The following TANC2 variants were observed in gnomAD, a reference collection of about 807,000 sequenced individuals.
TANC2 encodes the protein tetratricopeptide repeat, ankyrin repeat and coiled-coil containing 2, also known as protein TANC2.
In TANC2, 26 loss-of-function variants were observed where a neutral mutation model predicts 210.5. That is an observed-to-expected ratio of 0.12 (90% CI 0.09 to 0.17). The LOEUF (loss-of-function observed/expected upper bound fraction) is 0.17, where lower values mean the gene tolerates loss of function less well. Ranked by LOEUF, TANC2 falls within the 10% of genes least tolerant of loss-of-function variation. TANC2 has a pLI of 1.00. For synonymous variants in TANC2, 931 were observed against 967.1 expected (o/e 0.96, Z 0.69); for missense variants, 2,129 against 2,608.9 (o/e 0.82, Z 4.01).
chr17:63,389,865 G>T (rs925382829), intron 17 of TANC2: 4 of 339,458 alleles, frequency 1.2e-5, no homozygotes, highest in South Asian at 1.0e-4. Flanking sequence ...GGAAGGAGAA[G>T]TGAGGAAGCC....
intron 21 of TANC2, 58 bp from the exon 22 acceptor site, chr17:63,411,453 C>G: frequency 1.3e-6 from 2 of 1,515,992 alleles, no homozygotes; most frequent in Non-Finnish European, 1.8e-6. Flanking sequence ...AGCGTACTTC[C>G]CCTCCTGCTG....
intron 5 of TANC2, among the ~76,000 whole-genome samples, chr17:63,171,705 A>C (rs1207807446): frequency 6.6e-6 from 1 of 152,222 alleles, no homozygotes; most frequent in Non-Finnish European, 1.5e-5. Context: ...TTAATGTTTT[A>C]TTAAAACTGA....
chr17:63,272,595 AT>A (rs2043746220), intron 9 of TANC2, among the ~76,000 whole-genome samples: 1 of 151,932 alleles, frequency 6.6e-6, no homozygotes, highest in Admixed American at 6.6e-5. Context: ...TGAGCATGAA[AT>A]TTTTTTTATT....
At chr17:63,088,221 A>G (rs1428070696) in intron 3 of TANC2, 1 of 152,012 alleles carries the variant, frequency 6.6e-6, no homozygotes, top group Non-Finnish European at 1.5e-5. Flanking sequence ...AGGCCTTCCT[A>G]TGTGGTATAT....
At chr17:63,151,273 C>T in exon 5 of TANC2, 1 of 985,514 alleles carries the variant, frequency 1.0e-6, no homozygotes, top group Non-Finnish European at 1.2e-6. Context: ...TTCTTAGCCC[C>T]TCTGAGGAAG....
intron 8 of TANC2, among the ~76,000 whole-genome samples, chr17:63,239,253 A>G (rs779920077): frequency 6.6e-6 from 1 of 152,102 alleles, no homozygotes. Context: ...GTCAAGGGGT[A>G]TTTTTACTAC....
At chr17:63,176,113 TCAC>T (rs1461943019) in intron 5 of TANC2, among the ~76,000 whole-genome samples, 6 of 152,182 alleles carry the variant, frequency 3.9e-5, no homozygotes, top group African/African-American at 1.4e-4. Flanking sequence ...GAGTATAAAG[TCAC>T]CAGTCACTTT....
chr17:63,069,721 T>C (rs548868380), intron 2 of TANC2, among the ~76,000 whole-genome samples: 2 of 152,346 alleles, frequency 1.3e-5, no homozygotes, highest in South Asian at 4.1e-4. Context: ...ATTTTTGTAT[T>C]TCATTCACAG....
intron 21 of TANC2, among the ~76,000 whole-genome samples, 190 bp downstream of exon 21, chr17:63,406,467 A>G (rs1240248014): frequency 6.6e-6 from 1 of 152,126 alleles, no homozygotes; most frequent in Non-Finnish European, 1.5e-5. Flanking sequence ...CTATTTCCTT[A>G]TGACTTGAGG....
chr17:63,347,784 C>T (rs541146508), intron 12 of TANC2, among the ~76,000 whole-genome samples: 19 of 152,144 alleles, frequency 1.2e-4, no homozygotes, highest in African/African-American at 4.6e-4. Flanking sequence ...TGTTTTGTTT[C>T]GTTTTGTTGG....
At chr17:63,256,517 G>C (rs887688589) in intron 8 of TANC2, among the ~76,000 whole-genome samples, 10 of 151,994 alleles carry the variant, frequency 6.6e-5, no homozygotes, top group Non-Finnish European at 1.5e-4. Flanking sequence ...CCTAACATAT[G>C]GTCTGCCCTT....
At chr17:63,145,062 T>C (rs1283715703) in intron 4 of TANC2, among the ~76,000 whole-genome samples, 1 of 152,110 alleles carries the variant, frequency 6.6e-6, no homozygotes, top group Non-Finnish European at 1.5e-5. Context: ...TTTTTATTTA[T>C]TGTTCTTGAT....
rs1229721051 is a variant in TANC2 at position 62,966,579 on chromosome 17, G to A, written c.-194G>A. Among the ~76,000 whole-genome samples, 1 of 151,158 alleles carries A rather than the reference G, an allele frequency of 6.6e-6. No homozygotes were observed. Among genetic ancestry groups the A allele is most frequent in the African/African-American group, 2.4e-5 (1 of 41,306 alleles). On this transcript the variant is annotated 5_prime_UTR_variant, in exon 1 of 28. Transcript: ENST00000689528. The surrounding 1 kb of genome is among the most constrained non-coding windows in gnomAD (Gnocchi z 5.1). ...GCACCGCCGCGGGCTGCGCTCGCCG[G>A]CTGCGAGGCCCCGCCGCGCCGTTCC...
intron 3 of TANC2, among the ~76,000 whole-genome samples, chr17:63,085,355 G>A (rs62076630): frequency 6.6e-6 from 1 of 151,996 alleles, no homozygotes; most frequent in East Asian, 1.9e-4. Context: ...TGCCATACTT[G>A]TTACTATTTT....
intron 3 of TANC2, among the ~76,000 whole-genome samples, chr17:63,078,960 T>A (rs1395033548): frequency 6.6e-6 from 1 of 152,224 alleles, no homozygotes; most frequent in Non-Finnish European, 1.5e-5. Context: ...TCTTTCTACT[T>A]GTTGAACAGC....
intron 15 of TANC2, among the ~76,000 whole-genome samples, chr17:63,382,299 C>T (rs1013987278): frequency 6.6e-6 from 1 of 152,124 alleles, no homozygotes; most frequent in African/African-American, 2.4e-5. Flanking sequence ...TTACTCAGCT[C>T]CTTTTCCCAT....
chr17:63,425,170 A>G (rs1157055975), exon 28 of TANC2: 1 of 152,186 alleles, frequency 6.6e-6, no homozygotes, highest in Non-Finnish European at 1.5e-5. Context: ...TAGAGCACAA[A>G]CCCTTCTCGC....
intron 12 of TANC2, among the ~76,000 whole-genome samples, chr17:63,343,966 C>T (rs556762305): frequency 2.0e-5 from 3 of 152,264 alleles, no homozygotes; most frequent in East Asian, 3.9e-4. Context: ...TCCACATAAT[C>T]GTTTCAATAA....
intron 2 of TANC2, among the ~76,000 whole-genome samples, chr17:63,032,697 TATATCAG>T (rs2144150959): frequency 6.6e-6 from 1 of 152,284 alleles, no homozygotes; most frequent in Non-Finnish European, 1.5e-5. Flanking sequence ...AGCAGTGCTA[TATATCAG>T]ATCACTAAAA....
Sources: gnomAD v4.1 joint callset for allele counts (sites outside exome capture counted in the v4.1 genomes callset) on GRCh38, gnomAD v4.1.1 for gene constraint, Gnocchi (gnomAD v3.1) non-coding constraint, MANE v1.5 for transcripts, NCBI Gene and HGNC (gene_info 2026-07-23, HGNC 2026-07-21) for gene names.